Variants in HEPH observed in about 807,000 individuals in gnomAD.
The protein encoded by HEPH is hephaestin.
In HEPH, 69 loss-of-function variants were observed where a neutral mutation model predicts 80.8. The ratio of observed to expected loss-of-function variants is 0.85; its 90% CI spans 0.70 to 1.04. HEPH has a LOEUF of 1.04. Ranked by LOEUF, HEPH falls within the 50% of genes least tolerant of loss-of-function variation. The pLI, the probability that HEPH is intolerant of heterozygous loss-of-function variation, is 0.00. For synonymous variants in HEPH, 431 were observed against 322.8 expected, an observed-to-expected ratio of 1.34 and a Z score of -3.60; for missense variants, 1,115 against 891.3, an observed-to-expected ratio of 1.25 and a Z score of -3.20.
chrX:66,193,454 A>G, intron 7 of HEPH, 48 bp from the exon 8 acceptor site: 3 of 940,910 alleles, frequency 3.2e-6, no homozygotes, highest in Non-Finnish European at 4.4e-6. Flanking sequence ...ATGGGAGTCT[A>G]TTTGATACCT....
At chrX:66,221,737 T>C (rs936309654) in intron 15 of HEPH, among the ~76,000 whole-genome samples, 4 of 113,001 alleles carry the variant, frequency 3.5e-5, no homozygotes, top group Non-Finnish European at 7.5e-5. Flanking sequence ...TTTTAACTCG[T>C]GAAAAGGTAA....
chrX:66,221,942 G>A (rs781051690), intron 15 of HEPH, among the ~76,000 whole-genome samples: 12 of 112,045 alleles, frequency 1.1e-4, no homozygotes, highest in South Asian at 7.5e-4. Flanking sequence ...CTTGTGTTAC[G>A]ATGTCTTATT....
chrX:66,210,719 C>T (rs2089065680), intron 15 of HEPH, among the ~76,000 whole-genome samples: 1 of 110,817 alleles, frequency 9.0e-6, no homozygotes, highest in Non-Finnish European at 1.9e-5. Flanking sequence ...AGAATGGAGA[C>T]AACTAGATAA....
intron 15 of HEPH, among the ~76,000 whole-genome samples, chrX:66,229,770 T>C (rs1039434491): frequency 1.8e-5 from 2 of 111,080 alleles, no homozygotes; most frequent in Admixed American, 9.5e-5. Flanking sequence ...AATTTACTCT[T>C]TTTTTTTGTT....
chrX:66,207,801 T>C lies in HEPH; in HGVS notation c.2432-314T>C, dbSNP rs184159472. On this transcript the variant is annotated intron_variant, in intron 14 of 20. Transcript: ENST00000343002. ...CTGCCAAACTTATCACTCTTTATCG[T>C]CAATGATTCCACAGCACCTTGATTC... Among the ~76,000 whole-genome samples, 3 of 111,730 alleles carry C rather than the reference T, an allele frequency of 2.7e-5. No individual in the cohort carries two copies. In the East Asian group the frequency reaches 8.5e-4, roughly 32 times the overall value.
In HEPH at chrX:66,263,663, C is replaced by T. The variant is rs1207373856; in HGVS notation, c.3219C>T (p.Thr1073=). The change falls in exon 20 of 21, where the codon ACC becomes ACT. Residue 1073 remains threonine (T), a synonymous_variant. Transcript: ENST00000343002. ...FSRTEHLSPL[T]VITKETEKAV... ...AACCAGAACACTTAAGCCCTCTCAC[C>T]GTCATCACCAAAGAGACTGAAAAAG... The T allele has an allele frequency of 8.3e-7, 1 of 1,209,927 alleles. No individual in the cohort carries two copies. The highest frequency in any genetic ancestry group is 1.1e-6 in the Non-Finnish European group (1 of 894,330).
At chrX:66,268,209 C>T (rs1375962369), downstream of HEPH, 2 of 112,151 alleles carry the variant, frequency 1.8e-5, no homozygotes, top group South Asian at 7.4e-4. Flanking sequence ...ATCCACTAAT[C>T]TCCATCCACC....
chrX:66,203,306 CCCCAGGCACTA>C (rs1416213840), intron 12 of HEPH, 47 bp from the exon 13 acceptor site: 19 of 1,047,153 alleles, frequency 1.8e-5, no homozygotes, highest in Non-Finnish European at 2.5e-5. Flanking sequence ...GCAGGAAATC[CCCCAGGCACTA>C]CCCAGGGATG....
At chrX:66,220,172 G>A (rs1429365093) in intron 15 of HEPH, among the ~76,000 whole-genome samples, 1 of 111,374 alleles carries the variant, frequency 9.0e-6, no homozygotes, top group African/African-American at 3.3e-5. Flanking sequence ...TATGGCCATT[G>A]ATCTCCCATT....
At chrX:66,197,176 TG>T (rs2088148318) in intron 9 of HEPH, among the ~76,000 whole-genome samples, 1 of 110,395 alleles carries the variant, frequency 9.1e-6, no homozygotes, top group African/African-American at 3.3e-5. Context: ...ACAGCCTTAG[TG>T]TTTTATATAT....
At chrX:66,221,045 C>G (rs1166084924) in intron 15 of HEPH, among the ~76,000 whole-genome samples, 1 of 111,891 alleles carries the variant, frequency 8.9e-6, no homozygotes, top group East Asian at 2.8e-4. Flanking sequence ...TAAGTCCTTA[C>G]TGTACAAGTC....
chrX:66,232,286 G>A (rs748612810), intron 15 of HEPH, among the ~76,000 whole-genome samples: 7 of 110,934 alleles, frequency 6.3e-5, no homozygotes, highest in African/African-American at 1.6e-4. Context: ...AATGATGCTG[G>A]CCTCATAAAA....
At chrX:66,244,531 C>T (rs1048839518) in intron 15 of HEPH, among the ~76,000 whole-genome samples, 3 of 111,345 alleles carry the variant, frequency 2.7e-5, no homozygotes, top group African/African-American at 9.8e-5. Flanking sequence ...TCTTAAAATG[C>T]CTATTTTCTT....
intron 7 of HEPH, 33 bp downstream of exon 7, chrX:66,192,331 T>C (rs767377493): frequency 8.8e-7 from 1 of 1,133,481 alleles, no homozygotes; most frequent in Non-Finnish European, 1.2e-6. Context: ...TCTTTAATTC[T>C]TTAATTGGTC....
chrX:66,188,372 G>T lies in HEPH; in HGVS notation c.639G>T (p.Gly213=), dbSNP rs756290610. The T allele has an allele frequency of 1.3e-5, 16 of 1,187,184 alleles. No homozygotes were observed. The African/African-American group carries it at 2.1e-4, about 16-fold the overall frequency. Reference sequence around the variant, plus strand: ...TACTTGCCCTAGGAGCCCTGGATGGGAACTCCCCTCCTCAACGCCAGGATG... The same window carrying T: ...TACTTGCCCTAGGAGCCCTGGATGGTAACTCCCCTCCTCAACGCCAGGATG... ...LITCKRGALD[G]NSPPQRQDVD... Residue 213 remains glycine, a synonymous_variant, in exon 5 of 21, where the codon GGG becomes GGT. Transcript: ENST00000343002.
chrX:66,213,966 A>T (rs1488905740), intron 15 of HEPH, among the ~76,000 whole-genome samples: 1 of 112,130 alleles, frequency 8.9e-6, no homozygotes, highest in Non-Finnish European at 1.9e-5. Context: ...GTTTGCTGGA[A>T]ATGTCTTACC....
At chrX:66,174,462 T>C (rs992014910) in intron 4 of HEPH, among the ~76,000 whole-genome samples, 1 of 112,275 alleles carries the variant, frequency 8.9e-6, no homozygotes, top group Non-Finnish European at 1.9e-5. Context: ...ATTGTGCCAC[T>C]ATAAACATGC....
intron 1 of HEPH, among the ~76,000 whole-genome samples, chrX:66,169,707 C>G (rs2086506897): frequency 8.9e-6 from 1 of 112,114 alleles, no homozygotes; most frequent in Non-Finnish European, 1.9e-5. Flanking sequence ...GTTTATAGCT[C>G]AATGTATTTT....
chrX:66,266,902 A>G lies in HEPH; in HGVS notation c.*230A>G. The G allele has an allele frequency of 2.7e-6, 1 of 376,013 alleles. No homozygotes were observed. The highest frequency in any genetic ancestry group is 4.6e-6 in the Non-Finnish European group (1 of 218,367). 31.0% of individuals were successfully genotyped at this position (376,013 alleles called of 1,213,427 possible). A position where few individuals can be genotyped will look rare whatever the true frequency, so the allele number is the denominator to read the frequency against. On this transcript the variant is annotated 3_prime_UTR_variant, in exon 21 of 21. Coordinates refer to ENST00000343002, the MANE Select transcript of HEPH (RefSeq NM_001367233.3). The stretch of plus-strand genomic sequence containing the variant: ...CGTGGGCACCTGGCACTAAGGGAGT[A>G]CCTTATTATCCTACATCGCAAATTT...
Sources: allele counts gnomAD v4.1 joint callset (sites outside exome capture counted in the v4.1 genomes callset), GRCh38; gene constraint gnomAD v4.1.1; transcripts MANE v1.5; gene names NCBI Gene and HGNC (gene_info 2026-07-23, HGNC 2026-07-21).